Variants in ATF7IP2 observed in about 807,000 individuals in gnomAD.
ATF7IP2 encodes the protein activating transcription factor 7-interacting protein 2.
ATF7IP2 carries 42 observed loss-of-function variants against 64.2 expected under a neutral mutation model. The ratio of observed to expected loss-of-function variants is 0.65; its 90% CI spans 0.51 to 0.85. ATF7IP2 has a LOEUF of 0.85. Ranked by LOEUF, ATF7IP2 falls within the 40% of genes least tolerant of loss-of-function variation. The pLI is 0.00. For missense variants in ATF7IP2, 933 were observed against 784.2 expected, an observed-to-expected ratio of 1.19 and a Z score of -2.27; for synonymous variants, 308 against 272.8, an observed-to-expected ratio of 1.13 and a Z score of -1.27.
chr16:10,439,655 C>T (rs1300861089), intron 7 of ATF7IP2, among the ~76,000 whole-genome samples: 1 of 150,112 alleles, frequency 6.7e-6, no homozygotes. Context: ...GCCTCAGCCT[C>T]CCGAGTAGCT....
At chr16:10,414,163 C>T (rs905253485) in intron 1 of ATF7IP2, among the ~76,000 whole-genome samples, 9 of 152,146 alleles carry the variant, frequency 5.9e-5, no homozygotes, top group Non-Finnish European at 1.3e-4. Flanking sequence ...CTTGACTATT[C>T]TCCCAAATAC....
chr16:10,472,835 A>C (rs984051758), intron 10 of ATF7IP2, among the ~76,000 whole-genome samples: 7 of 150,936 alleles, frequency 4.6e-5, no homozygotes, highest in Admixed American at 2.0e-4. Context: ...CAGCCTGGGC[A>C]AAACAGCAAG....
chr16:10,435,611 T>G (rs1441416416), intron 6 of ATF7IP2, among the ~76,000 whole-genome samples: 1 of 152,164 alleles, frequency 6.6e-6, no homozygotes, highest in African/African-American at 2.4e-5. Flanking sequence ...TGCCCCATGG[T>G]GGGTACTTAG....
intron 9 of ATF7IP2, among the ~76,000 whole-genome samples, chr16:10,459,734 AAT>A (rs1302784788): frequency 6.6e-6 from 1 of 152,220 alleles, no homozygotes; most frequent in Non-Finnish European, 1.5e-5. Flanking sequence ...GACTTGATAA[AAT>A]ACCCATTTAT....
intron 1 of ATF7IP2, among the ~76,000 whole-genome samples, chr16:10,398,280 G>C (rs900852735): frequency 4.6e-5 from 7 of 151,312 alleles, no homozygotes; most frequent in African/African-American, 1.7e-4. Context: ...CTCTAGTCTG[G>C]GCAACAGAGC....
Position 10,430,951 on chromosome 16 carries a change from C to A in ATF7IP2, c.331C>A (p.Gln111Lys). 2 of 1,614,060 alleles carry A rather than the reference C, an allele frequency of 1.2e-6. No individual in the cohort carries two copies. ...TGTTCATTCAGAAACAAAATTGGAACAAGTTGTTTGTTCGTACCAAAAGCC... is the reference window on the plus strand; with the variant it reads ...TGTTCATTCAGAAACAAAATTGGAAAAAGTTGTTTGTTCGTACCAAAAGCC... Reference protein sequence around the residue: ...EIVHSETKLEQVVCSYQKPSR... With the variant: ...EIVHSETKLEKVVCSYQKPSR... Residue 111 changes from glutamine (Q) to lysine (K), a missense_variant, in exon 5 of 14, where the codon CAA (glutamine) becomes AAA (lysine). Gln to Lys is a moderately conservative substitution (Grantham distance 53). Transcript: ENST00000562102.
chr16:10,468,191 T>C (rs1406716002), intron 9 of ATF7IP2, among the ~76,000 whole-genome samples: 1 of 152,202 alleles, frequency 6.6e-6, no homozygotes, highest in Non-Finnish European at 1.5e-5. Flanking sequence ...AAATCAAATA[T>C]TCTTAATAAA....
At chr16:10,395,955 C>T (rs893853463) in intron 1 of ATF7IP2, among the ~76,000 whole-genome samples, 2 of 150,666 alleles carry the variant, frequency 1.3e-5, no homozygotes, top group Non-Finnish European at 3.0e-5. Flanking sequence ...ATAAAAGCAT[C>T]GAAATTGGAA....
chr16:10,426,523 C>A (rs2048089227), intron 3 of ATF7IP2, among the ~76,000 whole-genome samples: 1 of 152,128 alleles, frequency 6.6e-6, no homozygotes. Flanking sequence ...CCATTTAGTT[C>A]ATGTTTTTCA....
intron 8 of ATF7IP2, among the ~76,000 whole-genome samples, chr16:10,443,430 C>T (rs896430060): frequency 2.0e-5 from 3 of 152,136 alleles, no homozygotes; most frequent in Non-Finnish European, 4.4e-5. Context: ...AGTCCACACC[C>T]AGTCGATTTG....
intron 1 of ATF7IP2, among the ~76,000 whole-genome samples, chr16:10,407,242 G>A (rs113733550): frequency 0.022 from 3,312 of 152,240 alleles, 109 homozygotes; most frequent in African/African-American, 0.076. Context: ...AATAAAAGCC[G>A]TATATGACAG....
In ATF7IP2 at chr16:10,431,820, CTTTTTTTTT is replaced by C. The variant is rs35046235; in HGVS notation, c.835+378_835+386del. ...TTAAAAATTGTTGGTAACCCTATTT[CTTTTTTTTT>C]TTTTTTTTTTTTGAGACGGAGTCTC... On this transcript the variant is annotated intron_variant, in intron 5 of 13. Transcript: ENST00000562102. Among the ~76,000 whole-genome samples, 69 of 113,274 alleles carry C rather than the reference CTTTTTTTTT, an allele frequency of 6.1e-4. 1 individual carries two copies. Among genetic ancestry groups the C allele is most frequent in the South Asian group, 3.2e-3 (11 of 3,482 alleles). The allele number at this position is 113,274 out of a possible 152,430, so 74.3% of individuals were successfully genotyped here.
chr16:10,462,124 G>A (rs1169337847), intron 9 of ATF7IP2, among the ~76,000 whole-genome samples: 1 of 152,054 alleles, frequency 6.6e-6, no homozygotes, highest in Non-Finnish European at 1.5e-5. Flanking sequence ...ACTCGGAATA[G>A]TACTTCTGCT....
At chr16:10,471,357 G>T (rs573140489) in intron 9 of ATF7IP2, among the ~76,000 whole-genome samples, 1 of 152,080 alleles carries the variant, frequency 6.6e-6, no homozygotes, top group African/African-American at 2.4e-5. Flanking sequence ...GTGAAACCCT[G>T]TCTCTACTAA....
intron 3 of ATF7IP2, among the ~76,000 whole-genome samples, chr16:10,419,988 A>G (rs1351359889): frequency 6.6e-6 from 1 of 152,214 alleles, no homozygotes; most frequent in Non-Finnish European, 1.5e-5. Context: ...AAAGTCAGTA[A>G]TGCTAGATTC....
chr16:10,410,932 A>C (rs576305110), intron 1 of ATF7IP2, among the ~76,000 whole-genome samples: 5 of 152,072 alleles, frequency 3.3e-5, no homozygotes, highest in Admixed American at 1.3e-4. Flanking sequence ...GGGATGCTGG[A>C]TTTTGTTGAA....
At chr16:10,457,215 G>A (rs1202190391) in intron 8 of ATF7IP2, 157 bp from the exon 9 acceptor site, 3 of 584,578 alleles carry the variant, frequency 5.1e-6, no homozygotes, top group African/African-American at 2.0e-5. Context: ...ATTTTGGCAG[G>A]CAAATCACAA....
chr16:10,474,589 T>G (rs1479048370), intron 12 of ATF7IP2, among the ~76,000 whole-genome samples: 1 of 152,020 alleles, frequency 6.6e-6, no homozygotes, highest in African/African-American at 2.4e-5. Flanking sequence ...TTCACAGATT[T>G]AAGGAAAAAG....
At chr16:10,396,560 T>C (rs192024394) in intron 1 of ATF7IP2, among the ~76,000 whole-genome samples, 1 of 152,280 alleles carries the variant, frequency 6.6e-6, no homozygotes, top group East Asian at 1.9e-4. Context: ...TCTTGCTCTG[T>C]GGCCCAGGCT....
Sources: gnomAD v4.1 joint callset for allele counts (sites outside exome capture counted in the v4.1 genomes callset) on GRCh38, gnomAD v4.1.1 for gene constraint, MANE v1.5 for transcripts, NCBI Gene and HGNC (gene_info 2026-07-23, HGNC 2026-07-21) for gene names.